The following TTLL11 variants were observed in gnomAD, a reference collection of about 807,000 sequenced individuals.
TTLL11 encodes the protein tubulin polyglutamylase TTLL11.
Under a neutral mutation model 51.7 loss-of-function variants are expected in TTLL11, and 42 were observed. The observed-to-expected ratio is 0.81, with a 90% CI of 0.64 to 1.05. The LOEUF (loss-of-function observed/expected upper bound fraction) is 1.05, where lower values mean the gene tolerates loss of function less well. Among genes scored for constraint, TTLL11 ranks in the 50% least tolerant of loss-of-function variants. TTLL11 has a pLI of 0.00. For synonymous variants in TTLL11, 381 were observed against 383.5 expected (o/e 0.99, Z 0.08); for missense variants, 799 against 940.4 (o/e 0.85, Z 1.97).
intron 1 of TTLL11, among the ~76,000 whole-genome samples, chr9:122,053,187 G>C (rs971248140): frequency 5.3e-5 from 8 of 152,172 alleles, no homozygotes; most frequent in African/African-American, 1.9e-4. Flanking sequence ...GGTCGGGGTA[G>C]AGGCAGATGT....
In TTLL11 at chr9:121,870,620, G is replaced by A. The variant is rs1838324950; in HGVS notation, c.1610C>T (p.Pro537Leu). ...LPSICLKQVF[P>L]KYAKQFNYLR... ...GTAGTTGAACTGTTTTGCGTACTTG[G>A]GGAACACCTGCTTGAGGCAAATGGA... Residue 537 changes from proline (P) to leucine (L), a missense_variant, in exon 7 of 9, where the codon CCC (proline) becomes CTC (leucine). Physicochemically the swap from Pro to Leu is moderately conservative, Grantham distance 98 (BLOSUM62 -3). Coordinates refer to ENST00000321582, the MANE Select transcript of TTLL11 (RefSeq NM_001139442.2). 1 of 1,551,680 alleles carries A rather than the reference G, an allele frequency of 6.4e-7. No individual in the cohort carries two copies. Among genetic ancestry groups the A allele is most frequent in the Non-Finnish European group, 8.7e-7 (1 of 1,147,014 alleles).
At chr9:121,942,918 C>G (rs1177932943) in intron 6 of TTLL11, among the ~76,000 whole-genome samples, 2 of 152,138 alleles carry the variant, frequency 1.3e-5, no homozygotes, top group Admixed American at 1.3e-4. Context: ...CCAAGTGCCC[C>G]CAAGCAAGGG....
chr9:121,826,545 ATATAT>A (rs1445005341), intron 8 of TTLL11, among the ~76,000 whole-genome samples: 1 of 58,344 alleles, frequency 1.7e-5, no homozygotes, highest in Non-Finnish European at 3.1e-5. Context: ...GTGTATATAT[ATATAT>A]GTGTGTGTAT....
chr9:122,053,854 G>C (rs1055464339), intron 1 of TTLL11, among the ~76,000 whole-genome samples: 9 of 152,046 alleles, frequency 5.9e-5, no homozygotes, highest in Non-Finnish European at 1.3e-4. Flanking sequence ...GAAGGGAGAG[G>C]CTCCCACGGA....
At chr9:121,921,581 T>C (rs1840547317) in intron 6 of TTLL11, among the ~76,000 whole-genome samples, 1 of 152,196 alleles carries the variant, frequency 6.6e-6, no homozygotes, top group African/African-American at 2.4e-5. Flanking sequence ...CAGTAATCCC[T>C]CCCCAGTGCT....
At chr9:121,870,367 A>G in intron 7 of TTLL11, 130 bp downstream of exon 7, 1 of 1,240,884 alleles carries the variant, frequency 8.1e-7, no homozygotes, top group Non-Finnish European at 1.1e-6. Context: ...AGGCTAATCC[A>G]AGCTCAAATG....
At chr9:121,866,505 C>A (rs1838178739) in intron 7 of TTLL11, among the ~76,000 whole-genome samples, 3 of 151,666 alleles carry the variant, frequency 2.0e-5, no homozygotes, top group African/African-American at 7.3e-5. Context: ...ACTAAAAATA[C>A]AAAAATTAGC....
intron 3 of TTLL11, among the ~76,000 whole-genome samples, chr9:122,024,602 T>A (rs954689072): frequency 1.3e-5 from 2 of 152,182 alleles, no homozygotes; most frequent in Non-Finnish European, 2.9e-5. Flanking sequence ...AGACACAGAA[T>A]ACAGAATTCA....
chr9:121,891,959 GAT>G (rs200588786), intron 6 of TTLL11, among the ~76,000 whole-genome samples: 2 of 144,676 alleles, frequency 1.4e-5, no homozygotes, highest in Non-Finnish European at 1.5e-5. Context: ...ATATATATGA[GAT>G]ATATATATCT....
chr9:121,944,854 G>A (rs1211513176), intron 6 of TTLL11, among the ~76,000 whole-genome samples: 1 of 152,172 alleles, frequency 6.6e-6, no homozygotes, highest in Non-Finnish European at 1.5e-5. Context: ...AATCCCGTGA[G>A]AAATCGACAA....
rs539544329 is a variant in TTLL11, at chr9:121,945,930, C to G, written c.1481+28079G>C. Among the ~76,000 whole-genome samples the G allele has an allele frequency of 9.2e-5, 14 of 152,212 alleles. No individual in the cohort carries two copies. In the East Asian group the frequency reaches 2.7e-3, roughly 29 times the overall value. ...TGAACATGGAGGTAAGATAGAATCG[C>G]CTCCCATCCACCCATCCTTCCTTCC... On this transcript the variant is annotated intron_variant, in intron 6 of 8. Transcript: ENST00000321582.
chr9:121,899,374 T>TATAC (rs759002385), intron 6 of TTLL11, among the ~76,000 whole-genome samples: 3 of 94,234 alleles, frequency 3.2e-5, no homozygotes, highest in East Asian at 3.9e-4. Flanking sequence ...TGTATATATA[T>TATAC]ATACATATAT....
intron 8 of TTLL11, among the ~76,000 whole-genome samples, chr9:121,826,557 G>GTGTGTATATATA (rs1189626793): frequency 3.9e-5 from 2 of 51,340 alleles, no homozygotes; most frequent in African/African-American, 1.4e-4. Flanking sequence ...ATATGTGTGT[G>GTGTGTATATATA]TATATATATA....
At chr9:122,048,771 C>G (rs962895178) in intron 1 of TTLL11, among the ~76,000 whole-genome samples, 2 of 152,182 alleles carry the variant, frequency 1.3e-5, no homozygotes, top group African/African-American at 4.8e-5. Context: ...CCCATCCACT[C>G]CCCCTCCATG....
At chr9:121,996,173 C>A (rs1477547165) in intron 3 of TTLL11, among the ~76,000 whole-genome samples, 1 of 152,166 alleles carries the variant, frequency 6.6e-6, no homozygotes, top group Admixed American at 6.5e-5. Context: ...GCAGCCAGCA[C>A]CAATGCACCC....
At chr9:122,000,471 C>CAAAA (rs57775265) in intron 3 of TTLL11, among the ~76,000 whole-genome samples, 726 of 22,820 alleles carry the variant, frequency 0.032, 89 homozygotes, top group Non-Finnish European at 0.036. Flanking sequence ...GACTCCGTCG[C>CAAAA]AAAAAAAAAA....
chr9:121,872,223 T>C (rs6478542), intron 6 of TTLL11, among the ~76,000 whole-genome samples: 151,847 of 152,366 alleles, frequency 1, 75,666 homozygotes, highest in Middle Eastern at 1. Flanking sequence ...TGGCCGTGGC[T>C]GGCTGGCACA....
chr9:121,893,378 C>T (rs1391125683), intron 6 of TTLL11, among the ~76,000 whole-genome samples: 1 of 149,366 alleles, frequency 6.7e-6, no homozygotes, highest in Non-Finnish European at 1.5e-5. Flanking sequence ...GTGAGGGGGG[C>T]CATGTGAGAT....
chr9:122,069,120 G>C lies in TTLL11; in HGVS notation c.462+23567C>G, dbSNP rs34128292. On this transcript the variant is annotated intron_variant, in intron 1 of 8. Transcript: ENST00000321582. ...TCCTACTCAAGTGAATACACACAGT[G>C]AACAAAGAAAACAAGAGACCAAGAA... Among the ~76,000 whole-genome samples, 1,481 of 151,588 alleles carry C rather than the reference G, an allele frequency of 9.8e-3. 37 individuals carry two copies. Among genetic ancestry groups the C allele is most frequent in the Admixed American group, 0.057 (868 of 15,292 alleles).
Sources: allele counts gnomAD v4.1 joint callset (sites outside exome capture counted in the v4.1 genomes callset), GRCh38; gene constraint gnomAD v4.1.1; transcripts MANE v1.5; gene names NCBI Gene and HGNC (gene_info 2026-07-23, HGNC 2026-07-21).